Variants in STK32A observed in about 807,000 individuals in gnomAD.
STK32A encodes serine/threonine-protein kinase 32A.
STK32A carries 41 observed loss-of-function variants against 53.2 expected under a neutral mutation model. The observed-to-expected ratio is 0.77, with a 90% confidence interval of 0.60 to 1.00. STK32A has a LOEUF of 1.00. Ranked by LOEUF, STK32A falls within the 50% of genes least tolerant of loss-of-function variation. The pLI, the probability that STK32A is intolerant of heterozygous loss-of-function variation, is 0.00. For missense variants in STK32A, 458 were observed against 485.8 expected (o/e 0.94, Z 0.54); for synonymous variants, 166 against 162.8 (o/e 1.02, Z -0.15).
intron 8 of STK32A, among the ~76,000 whole-genome samples, chr5:147,362,990 G>A (rs115945048): frequency 5.1e-4 from 77 of 152,106 alleles, no homozygotes; most frequent in African/African-American, 1.9e-3. Context: ...GGTGGTTGAG[G>A]TGGGAGAATC....
At chr5:147,344,739 A>C (rs1755602756) in intron 6 of STK32A, among the ~76,000 whole-genome samples, 1 of 152,226 alleles carries the variant, frequency 6.6e-6, no homozygotes, top group Non-Finnish European at 1.5e-5. Flanking sequence ...AGGAGAACCC[A>C]AGTTAGGATT....
intron 4 of STK32A, among the ~76,000 whole-genome samples, chr5:147,280,744 T>A (rs890046981): frequency 4.0e-5 from 6 of 151,842 alleles, no homozygotes; most frequent in Admixed American, 2.6e-4. Flanking sequence ...ATCTTGGGAG[T>A]TCTAGGGCCC....
At chr5:147,255,813 C>T (rs538644217) in intron 2 of STK32A, among the ~76,000 whole-genome samples, 2 of 152,316 alleles carry the variant, frequency 1.3e-5, no homozygotes, top group East Asian at 1.9e-4. Flanking sequence ...ATCCAATCTA[C>T]ATTTTTATTA....
intron 4 of STK32A, among the ~76,000 whole-genome samples, chr5:147,311,433 G>T (rs1053689776): frequency 8.5e-5 from 13 of 152,134 alleles, no homozygotes; most frequent in African/African-American, 2.7e-4. Context: ...TATGCCAGGG[G>T]TTGCTGATGG....
intron 4 of STK32A, among the ~76,000 whole-genome samples, chr5:147,314,343 T>G (rs190617756): frequency 1.6e-4 from 24 of 151,680 alleles, no homozygotes; most frequent in Non-Finnish European, 2.5e-4. Context: ...ACTAAAAATA[T>G]AAAAATTAGC....
At chr5:147,392,581 T>A (rs1304433605), downstream of STK32A, 3 of 152,338 alleles carry the variant, frequency 2.0e-5, no homozygotes, top group Middle Eastern at 6.8e-3. Context: ...GTTCTATAGA[T>A]TCTTATCTTG....
At chr5:147,348,771 C>A in intron 6 of STK32A, 1 of 752,302 alleles carries the variant, frequency 1.3e-6, no homozygotes, top group Non-Finnish European at 2.5e-6. Context: ...TTTTGCAAAA[C>A]TACACTGAAG....
chr5:147,279,179 G>T, intron 3 of STK32A, 68 bp from the exon 4 acceptor site: 2 of 1,478,202 alleles, frequency 1.4e-6, no homozygotes, highest in Non-Finnish European at 9.2e-7. Context: ...AACATGTCTT[G>T]TTCTGTCTCT....
intron 4 of STK32A, among the ~76,000 whole-genome samples, chr5:147,290,872 A>T (rs1449525829): frequency 6.6e-6 from 1 of 152,198 alleles, no homozygotes; most frequent in East Asian, 1.9e-4. Context: ...TGTACACTCC[A>T]ATTAGCAGCA....
chr5:147,235,808 G>A (rs1174360752), intron 1 of STK32A, among the ~76,000 whole-genome samples: 1 of 152,184 alleles, frequency 6.6e-6, no homozygotes, highest in Admixed American at 6.5e-5. Context: ...TTTGGAAAGT[G>A]TGAAAGGGAA....
chr5:147,397,352 T>A, the STK32A span, among the ~76,000 whole-genome samples: 1 of 151,248 alleles, frequency 6.6e-6, no homozygotes, highest in African/African-American at 2.4e-5. Context: ...ACCTTCAGAC[T>A]TGAAGAGTCA....
intron 4 of STK32A, among the ~76,000 whole-genome samples, chr5:147,294,526 T>C (rs1398549464): frequency 1.3e-5 from 2 of 152,176 alleles, no homozygotes; most frequent in African/African-American, 4.8e-5. Flanking sequence ...AAATCTACTT[T>C]CCTTTCTCCC....
At chr5:147,287,231 TTTC>T (rs1752387545) in intron 4 of STK32A, among the ~76,000 whole-genome samples, 1 of 152,212 alleles carries the variant, frequency 6.6e-6, no homozygotes, top group South Asian at 2.1e-4. Flanking sequence ...CTCCTGTTCT[TTTC>T]TTGTGTGTCA....
intron 5 of STK32A, among the ~76,000 whole-genome samples, chr5:147,329,885 G>A (rs1038475477): frequency 6.6e-6 from 1 of 152,250 alleles, no homozygotes; most frequent in African/African-American, 2.4e-5. Context: ...AGGACAGTAT[G>A]TATATGTAAC....
chr5:147,361,574 G>A lies in STK32A; in HGVS notation c.620G>A (p.Trp207Ter), dbSNP rs758876260. The change falls in exon 8 of 13, where the codon TGG (tryptophan) becomes TAG (stop). Residue 207 changes from tryptophan to a stop codon, truncating the protein, a stop_gained. Coordinates refer to ENST00000397936, the MANE Select transcript of STK32A (RefSeq NM_001112724.2). LOFTEE classifies it high-confidence loss of function. ...GAGYSFAVDW[W>*]SLGVTAYELL... ...GGCTATTCCTTTGCTGTTGACTGGT[G>A]GTCCCTGGGAGTGACGGCATATGAA... 1.2e-6 allele frequency: 2 copies of A among 1,613,506 alleles called. No individual in the cohort carries two copies. Among genetic ancestry groups the A allele is most frequent in the East Asian group, 2.2e-5 (1 of 44,876 alleles).
At chr5:147,288,573 T>C (rs771841690) in intron 4 of STK32A, among the ~76,000 whole-genome samples, 4 of 151,952 alleles carry the variant, frequency 2.6e-5, no homozygotes, top group Non-Finnish European at 4.4e-5. Context: ...TTCCAATCAT[T>C]GTGGAAGGCA....
At chr5:147,317,134 T>C (rs1754033164) in intron 4 of STK32A, among the ~76,000 whole-genome samples, 1 of 85,064 alleles carries the variant, frequency 1.2e-5, no homozygotes, top group Non-Finnish European at 2.2e-5. Flanking sequence ...ATCTGTGAAA[T>C]AGTTTTGCCA....
chr5:147,245,060 C>A (rs1753723597), intron 2 of STK32A, among the ~76,000 whole-genome samples: 1 of 152,190 alleles, frequency 6.6e-6, no homozygotes, highest in South Asian at 2.1e-4. Flanking sequence ...TTTATGGATT[C>A]TGTTAAAACC....
chr5:147,273,459 A>G (rs542167950), intron 2 of STK32A, among the ~76,000 whole-genome samples: 2 of 152,306 alleles, frequency 1.3e-5, no homozygotes, highest in East Asian at 3.9e-4. Flanking sequence ...CCTGAGTGCA[A>G]CTAGGCAGAC....
Sources: allele counts gnomAD v4.1 joint callset (sites outside exome capture counted in the v4.1 genomes callset), GRCh38; gene constraint gnomAD v4.1.1; transcripts MANE v1.5; gene names NCBI Gene and HGNC (gene_info 2026-07-23, HGNC 2026-07-21).